Variants in FAT4 observed in about 807,000 individuals in gnomAD.
The protein encoded by FAT4 is protocadherin Fat 4.
A neutral mutation model predicts 303.9 loss-of-function variants in FAT4; 84 were observed. That is an observed-to-expected ratio of 0.28 (90% confidence interval 0.23 to 0.33). FAT4 has a LOEUF of 0.33. Ranked by LOEUF, FAT4 falls within the 10% of genes least tolerant of loss-of-function variation. The pLI is 1.00. For missense variants in FAT4, 6,005 were observed against 6,146.8 expected, an observed-to-expected ratio of 0.98 and a Z score of 0.77; for synonymous variants, 2,307 against 2,298.8, an observed-to-expected ratio of 1.00 and a Z score of -0.10.
At chr4:125,475,372 C>G (rs1487434092) in intron 12 of FAT4, among the ~76,000 whole-genome samples, 1 of 152,016 alleles carries the variant, frequency 6.6e-6, no homozygotes, top group Non-Finnish European at 1.5e-5. Flanking sequence ...TTATCATGTT[C>G]TGAGGCCTTT....
In FAT4 at chr4:125,479,841, C is replaced by A; in HGVS notation, c.12580C>A (p.Leu4194Ile). The change falls in exon 15 of 18, where the codon CTC becomes ATC. Residue 4194 changes from leucine to isoleucine, a missense_variant. By Grantham distance (5) the Leu-to-Ile change is conservative. Transcript: ENST00000394329. ...SWQQCHCKEG[L>I]TGKYCEKSVT... ...GCAGCAGTGTCATTGCAAAGAGGGA[C>A]TCACTGGGAAATACTGTGAAAAATG... is the stretch of plus-strand genomic sequence containing the variant. 6.3e-7 allele frequency: 1 copy of A among 1,597,962 alleles called. No homozygotes were observed. Among genetic ancestry groups the A allele is most frequent in the Non-Finnish European group, 8.6e-7 (1 of 1,168,776 alleles).
At chr4:125,439,262 C>A (rs933389156) in intron 8 of FAT4, among the ~76,000 whole-genome samples, 4 of 151,996 alleles carry the variant, frequency 2.6e-5, no homozygotes, top group African/African-American at 9.7e-5. Flanking sequence ...ACTTCTAATT[C>A]TTCTGTATCA....
chr4:125,316,503 T>A lies in FAT4; in HGVS notation c.92T>A (p.Leu31Gln). The change falls in exon 2 of 18, where the codon CTG becomes CAG. Residue 31 changes from leucine to glutamine, a missense_variant. By Grantham distance (113) the Leu-to-Gln change is moderately radical. Coordinates refer to ENST00000394329, the MANE Select transcript of FAT4 (RefSeq NM_001291303.3). This position sits in a 1 kb window ranked among gnomAD's most constrained non-coding sequence, Gnocchi z 5.7. ...CAGCTCCTTCGAGTGTTTTGGCTACTGTCATTGCTTCCGGGGCAGGCCTGG... is the reference window on the plus strand; with the variant it reads ...CAGCTCCTTCGAGTGTTTTGGCTACAGTCATTGCTTCCGGGGCAGGCCTGG... ...VSQLLRVFWLLSLLPGQAWVH... is the reference protein window; with the variant it reads ...VSQLLRVFWLQSLLPGQAWVH... The A allele has an allele frequency of 6.2e-7, 1 of 1,613,988 alleles. No individual in the cohort carries two copies. Among genetic ancestry groups the A allele is most frequent in the Non-Finnish European group, 8.5e-7 (1 of 1,180,026 alleles).
chr4:125,485,013 G>A (rs993033000), intron 16 of FAT4, among the ~76,000 whole-genome samples: 4 of 151,870 alleles, frequency 2.6e-5, no homozygotes, highest in Non-Finnish European at 5.9e-5. Context: ...TAACCATGCC[G>A]GGCTAACTTT....
chr4:125,486,975 G>A (rs773873199), intron 16 of FAT4, among the ~76,000 whole-genome samples: 4 of 151,924 alleles, frequency 2.6e-5, no homozygotes, highest in Non-Finnish European at 5.9e-5. Context: ...TTTACTAAAC[G>A]AACCAGCATA....
chr4:125,410,158 C>T (rs965296170), intron 5 of FAT4, among the ~76,000 whole-genome samples: 2 of 152,086 alleles, frequency 1.3e-5, no homozygotes, highest in Admixed American at 6.6e-5. Flanking sequence ...TGAGTAAGAG[C>T]ATTTTGATGT....
chr4:125,382,304 T>C (rs1253854317), intron 2 of FAT4, among the ~76,000 whole-genome samples: 1 of 152,204 alleles, frequency 6.6e-6, no homozygotes, highest in Non-Finnish European at 1.5e-5. Flanking sequence ...TCTTCGATCA[T>C]AAGACTTGAA....
chr4:125,459,223 G>A (rs972203684), intron 10 of FAT4, among the ~76,000 whole-genome samples: 2 of 151,928 alleles, frequency 1.3e-5, no homozygotes, highest in Non-Finnish European at 2.9e-5. Flanking sequence ...TATCTTCATG[G>A]AGTGGTCCAA....
At chr4:125,409,533 G>A (rs1036744936) in intron 5 of FAT4, among the ~76,000 whole-genome samples, 16 of 152,176 alleles carry the variant, frequency 1.1e-4, no homozygotes, top group African/African-American at 2.9e-4. Context: ...TGGGATTGCA[G>A]GCGTGAGCCA....
intron 8 of FAT4, 90 bp from the exon 9 acceptor site, chr4:125,446,203 G>T: frequency 9.3e-7 from 1 of 1,076,084 alleles, no homozygotes; most frequent in South Asian, 1.7e-5. Context: ...ACGTTTTCTT[G>T]CATTTCTACC....
At chr4:125,416,117 A>ATTTTT in intron 6 of FAT4, among the ~76,000 whole-genome samples, 2 of 152,204 alleles carry the variant, frequency 1.3e-5, no homozygotes, top group Non-Finnish European at 2.9e-5. Flanking sequence ...CATAGTAAAA[A>ATTTTT]ACTAAAATGA....
In FAT4 at chr4:125,320,636, C is replaced by T; in HGVS notation, c.4225C>T (p.His1409Tyr). ...PRSSTMSVVI[H>Y]VRDFNDNPPS... ...TTCATCTACAATGTCAGTGGTTATT[C>T]ACGTGAGGGACTTTAATGACAATCC... The change falls in exon 2 of 18, where the codon CAC becomes TAC. Residue 1409 changes from histidine (H) to tyrosine (Y), a missense_variant. His to Tyr is a moderately conservative substitution (Grantham distance 83). Coordinates refer to ENST00000394329, the MANE Select transcript of FAT4 (RefSeq NM_001291303.3). 1 of 1,614,052 alleles carries T rather than the reference C, an allele frequency of 6.2e-7. No individual in the cohort carries two copies. Among genetic ancestry groups the T allele is most frequent in the South Asian group, 1.1e-5 (1 of 91,072 alleles).
chr4:125,434,474 T>G, intron 8 of FAT4, 49 bp downstream of exon 8: 1 of 1,527,704 alleles, frequency 6.5e-7, no homozygotes, highest in South Asian at 1.1e-5. Flanking sequence ...CATTAAACAT[T>G]AGTTTTTGAA....
intron 7 of FAT4, among the ~76,000 whole-genome samples, chr4:125,420,043 A>G (rs1735224998): frequency 6.6e-6 from 1 of 152,206 alleles, no homozygotes; most frequent in Admixed American, 6.5e-5. Flanking sequence ...GGAGAAGGGC[A>G]TCCATGTCAT....
intron 11 of FAT4, among the ~76,000 whole-genome samples, chr4:125,464,924 T>C (rs1214867383): frequency 1.3e-5 from 2 of 152,304 alleles, no homozygotes; most frequent in East Asian, 1.9e-4. Context: ...GCTCAATCTA[T>C]AGTAGATAAT....
chr4:125,406,122 A>G (rs1031317225), intron 3 of FAT4, among the ~76,000 whole-genome samples: 1 of 152,104 alleles, frequency 6.6e-6, no homozygotes, highest in Admixed American at 6.6e-5. Flanking sequence ...ATTTTCAACT[A>G]GGAGTTCTAT....
rs975800283 is a variant in FAT4, at chr4:125,319,928, G to A, written c.3517G>A (p.Ala1173Thr). ...GTCTCTTATGAGGCGGAGAGGGACT[G>A]CTGTGTTTAGCTTTACAGTCATAGC... ...RESLMRRRGTAVFSFTVIATD... is the reference protein window; with the variant it reads ...RESLMRRRGTTVFSFTVIATD... The change falls in exon 2 of 18, where the codon GCT (alanine) becomes ACT (threonine). Residue 1173 changes from alanine to threonine, a missense_variant. Transcript: ENST00000394329. 2.5e-6 allele frequency: 4 copies of A among 1,613,598 alleles called. No homozygotes were observed. The highest frequency in any genetic ancestry group is 3.4e-6 in the Non-Finnish European group (4 of 1,180,014).
At chr4:125,405,203 C>A (rs562965025) in intron 3 of FAT4, among the ~76,000 whole-genome samples, 4 of 151,982 alleles carry the variant, frequency 2.6e-5, no homozygotes, top group East Asian at 3.9e-4. Context: ...TTTATCTATT[C>A]GTTTGTTAAT....
rs748804042 is a variant in FAT4 at position 125,317,878 on chromosome 4, T to A, written c.1467T>A (p.Pro489=). 1 of 1,614,120 alleles carries A rather than the reference T, an allele frequency of 6.2e-7. No homozygotes were observed. Among genetic ancestry groups the A allele is most frequent in the African/African-American group, 1.3e-5 (1 of 75,038 alleles). ...VYRVNLSEEA[P]PGSYVSGISA... is the part of the protein sequence containing the mutation. ...GAGTGAACCTGAGCGAGGAGGCGCC[T>A]CCGGGAAGCTATGTGAGTGGGATAT... Residue 489 remains proline, a synonymous_variant, in exon 2 of 18, where the codon CCT becomes CCA. Transcript: ENST00000394329. The surrounding 1 kb of genome is among the most constrained non-coding windows in gnomAD (Gnocchi z 7.0).
Sources: allele counts gnomAD v4.1 joint callset (sites outside exome capture counted in the v4.1 genomes callset), GRCh38; gene constraint gnomAD v4.1.1; non-coding constraint Gnocchi (gnomAD v3.1); transcripts MANE v1.5; gene names NCBI Gene and HGNC (gene_info 2026-07-23, HGNC 2026-07-21).